Variants in GLRA3 observed in about 807,000 individuals in gnomAD.
GLRA3 encodes glycine receptor subunit alpha-3.
In GLRA3, 44 loss-of-function variants were observed where a neutral mutation model predicts 60.4. That is an observed-to-expected ratio of 0.73 (90% confidence interval 0.57 to 0.94). GLRA3 has a LOEUF of 0.94. GLRA3 is among the 40% of genes least tolerant of loss of function. The pLI is 0.00. For missense variants in GLRA3, 508 were observed against 564.6 expected (o/e 0.90, Z 1.02); for synonymous variants, 223 against 192.9 (o/e 1.16, Z -1.29).
chr4:174,646,701 T>C (rs1453664835), intron 9 of GLRA3, among the ~76,000 whole-genome samples: 2 of 152,230 alleles, frequency 1.3e-5, no homozygotes, highest in Admixed American at 6.5e-5. Context: ...GAGAACCTGC[T>C]GAGTCTCCTG....
At chr4:174,717,288 GAGAA>G (rs1466776562) in intron 4 of GLRA3, among the ~76,000 whole-genome samples, 9 of 143,050 alleles carry the variant, frequency 6.3e-5, no homozygotes, top group South Asian at 2.2e-4. Context: ...GAGAAAGAGA[GAGAA>G]AGAAAGAAAA....
intron 9 of GLRA3, among the ~76,000 whole-genome samples, chr4:174,652,568 A>T (rs1365575047): frequency 7.3e-6 from 1 of 137,358 alleles, no homozygotes. Context: ...TTTTTCTGTA[A>T]ATTTAAAACT....
chr4:174,683,280 G>A (rs778912242), intron 5 of GLRA3, among the ~76,000 whole-genome samples: 1 of 151,518 alleles, frequency 6.6e-6, no homozygotes, highest in Non-Finnish European at 1.5e-5. Flanking sequence ...ATTCCATCTG[G>A]TTTCTCCTTA....
intron 1 of GLRA3, among the ~76,000 whole-genome samples, chr4:174,794,481 GCACA>G (rs1374896799): frequency 6.6e-6 from 1 of 151,290 alleles, no homozygotes; most frequent in Non-Finnish European, 1.5e-5. Flanking sequence ...ATGCACACAC[GCACA>G]CACACACATA....
At position 174,804,975 on chromosome 4, in the gene GLRA3, G is replaced by A. The variant is rs6812779; in HGVS notation, c.72-16032C>T. On this transcript the variant is annotated intron_variant, in intron 1 of 9. Coordinates refer to ENST00000274093, the MANE Select transcript of GLRA3 (RefSeq NM_006529.4). ...ACTGTACACGTAGCGACAAAGAAAA[G>A]TGAAGATGGAGCCTTCGTGTTGAAC... is the stretch of plus-strand genomic sequence containing the variant. Among the ~76,000 whole-genome samples the A allele has an allele frequency of 5.8e-3, 888 of 152,262 alleles. 8 individuals are homozygous for A. The highest frequency in any genetic ancestry group is 0.011 in the Admixed American group (166 of 15,288).
At chr4:174,826,454 G>T (rs1740970881) in intron 1 of GLRA3, among the ~76,000 whole-genome samples, 1 of 152,120 alleles carries the variant, frequency 6.6e-6, no homozygotes, top group Non-Finnish European at 1.5e-5. Context: ...TGGGGTGAGT[G>T]CTTCTGTGAC....
intron 9 of GLRA3, among the ~76,000 whole-genome samples, chr4:174,651,989 C>CATGA (rs1308805998): frequency 6.6e-6 from 1 of 151,918 alleles, no homozygotes; most frequent in Non-Finnish European, 1.5e-5. Context: ...TGAGAGAGAC[C>CATGA]ATGAGCCCCT....
intron 1 of GLRA3, among the ~76,000 whole-genome samples, chr4:174,790,904 T>C (rs1382379462): frequency 6.9e-6 from 1 of 145,704 alleles, no homozygotes; most frequent in African/African-American, 2.6e-5. Flanking sequence ...CTGGGAAGGC[T>C]GAGGCAGGAG....
rs1217211565 is a variant in GLRA3, at chr4:174,828,905, T to C, written c.-94A>G. 1.1e-6 allele frequency: 1 copy of C among 870,230 alleles called. No individual in the cohort carries two copies. The highest frequency in any genetic ancestry group is 2.0e-6 in the Non-Finnish European group (1 of 512,586). 53.9% of individuals were successfully genotyped at this position (870,230 alleles called of 1,614,324 possible). A position where few individuals can be genotyped will look rare whatever the true frequency, so the allele number is the denominator to read the frequency against. Reference sequence around the variant, plus strand: ...TGAAAATGTACAATCTAACCCCGCATGGTGTTGGTGTAGACTGATGCTTGG... The same window carrying C: ...TGAAAATGTACAATCTAACCCCGCACGGTGTTGGTGTAGACTGATGCTTGG... On this transcript the variant is annotated 5_prime_UTR_variant, in exon 1 of 10. The change abolishes an upstream ATG in the 5' untranslated region. Transcript: ENST00000274093.
intron 3 of GLRA3, 141 bp from the exon 4 acceptor site, chr4:174,728,839 G>A: frequency 1.7e-6 from 1 of 578,230 alleles, no homozygotes; most frequent in South Asian, 2.3e-5. Context: ...ATAGTTAATG[G>A]AGGAGGCTAT....
intron 2 of GLRA3, among the ~76,000 whole-genome samples, chr4:174,781,905 C>T (rs1406117945): frequency 2.0e-5 from 3 of 152,144 alleles, no homozygotes; most frequent in African/African-American, 4.8e-5. Context: ...GGAGCTGGTA[C>T]CATTCCTTCT....
chr4:174,699,662 T>C (rs1735218398), intron 5 of GLRA3, among the ~76,000 whole-genome samples: 1 of 152,126 alleles, frequency 6.6e-6, no homozygotes, highest in Non-Finnish European at 1.5e-5. Context: ...ACTTAAGAAG[T>C]ATTTAAGGCA....
chr4:174,792,018 C>T (rs146405830), intron 1 of GLRA3, among the ~76,000 whole-genome samples: 2 of 152,244 alleles, frequency 1.3e-5, no homozygotes, highest in South Asian at 2.1e-4. Context: ...TCAGTATTTG[C>T]TGGGGGTTCT....
At chr4:174,738,860 A>T (rs1736900314) in intron 3 of GLRA3, among the ~76,000 whole-genome samples, 1 of 152,222 alleles carries the variant, frequency 6.6e-6, no homozygotes, top group Admixed American at 6.5e-5. Context: ...AAAATAACTC[A>T]GCATGCCACA....
At chr4:174,791,039 C>T (rs1739327343) in intron 1 of GLRA3, among the ~76,000 whole-genome samples, 1 of 150,608 alleles carries the variant, frequency 6.6e-6, no homozygotes, top group Non-Finnish European at 1.5e-5. Context: ...ACTATGTATA[C>T]TGAACCACAA....
intron 1 of GLRA3, among the ~76,000 whole-genome samples, chr4:174,799,229 G>A (rs1045373738): frequency 5.9e-5 from 9 of 152,078 alleles, no homozygotes; most frequent in Admixed American, 5.2e-4. Context: ...AGAAACAAAG[G>A]TATATAGAAA....
chr4:174,677,062 C>A lies in GLRA3; in HGVS notation c.927+16G>T. On this transcript the variant is annotated intron_variant, in intron 7 of 9. Transcript: ENST00000274093. ...GTGTGTGTGCAAAGATGTGCATGCT[C>A]ATTCAGTGCACTTACTTTTGGCAAG... is the stretch of plus-strand genomic sequence containing the variant. 1.4e-6 allele frequency: 2 copies of A among 1,443,330 alleles called. No individual in the cohort carries two copies. The highest frequency in any genetic ancestry group is 2.3e-5 in the South Asian group (2 of 87,664). 89.4% of individuals were successfully genotyped at this position (1,443,330 alleles called of 1,614,324 possible).
chr4:174,643,803 G>A lies in GLRA3; in HGVS notation c.1378C>T (p.His460Tyr). The change falls in exon 10 of 10, where the codon CAT (histidine) becomes TAT (tyrosine). Residue 460 changes from histidine (H) to tyrosine (Y), a missense_variant. Physicochemically the swap from His to Tyr is moderately conservative, Grantham distance 83 (BLOSUM62 2). This residue lies in a region of GLRA3 where 176 missense variants were observed against 197.9 expected (regional missense o/e 0.89). Coordinates refer to ENST00000274093, the MANE Select transcript of GLRA3 (RefSeq NM_006529.4). ...CCAGAGACTTAATCTTGCTGCTGAT[G>A]AATATCCTCATGCCTAAGAATTTTA... ...IYKILRHEDIHQQQD is the reference protein window; with the variant it reads ...IYKILRHEDIYQQQD 1 of 1,612,552 alleles carries A rather than the reference G, an allele frequency of 6.2e-7. No homozygotes were observed. Among genetic ancestry groups the A allele is most frequent in the Middle Eastern group, 1.7e-4 (1 of 6,046 alleles).
chr4:174,755,548 T>C (rs1171622319), intron 3 of GLRA3, among the ~76,000 whole-genome samples: 1 of 152,128 alleles, frequency 6.6e-6, no homozygotes, highest in Admixed American at 6.5e-5. Flanking sequence ...TTTATGTAAG[T>C]CATTAAATTG....
Sources: gnomAD v4.1 joint callset for allele counts (sites outside exome capture counted in the v4.1 genomes callset) on GRCh38, gnomAD v4.1.1 for gene constraint, gnomAD v4.1.1 regional missense constraint, MANE v1.5 for transcripts, NCBI Gene and HGNC (gene_info 2026-07-23, HGNC 2026-07-21) for gene names.